The following LYPLAL1 variants were observed in gnomAD, a reference collection of about 807,000 sequenced individuals.
The protein encoded by LYPLAL1 is lysophospholipase like 1, also known as lysophospholipase-like protein 1.
A neutral mutation model predicts 19.7 loss-of-function variants in LYPLAL1; 23 were observed. The observed-to-expected ratio is 1.17, with a 90% CI of 0.84 to 1.65. The LOEUF (loss-of-function observed/expected upper bound fraction) is 1.65, where lower values mean the gene tolerates loss of function less well. LYPLAL1 is among the 40% of genes most tolerant of loss of function. The pLI is 0.00. For missense variants in LYPLAL1, 355 were observed against 279.4 expected (o/e 1.27, Z -1.93); for synonymous variants, 119 against 96.3 (o/e 1.24, Z -1.38).
rs572067465 is a variant in LYPLAL1 at position 219,212,003 on chromosome 1, A to G, written c.*275A>G. On this transcript the variant is annotated 3_prime_UTR_variant, in exon 5 of 5. Coordinates refer to ENST00000366928, the MANE Select transcript of LYPLAL1 (RefSeq NM_138794.5). The stretch of plus-strand genomic sequence containing the variant: ...TTTTTGAAATAAAGTATTCTAAACT[A>G]ATATAAATAAGGACAATGAAAAAAC... 2.1e-5 allele frequency: 5 copies of G among 233,730 alleles called. No individual in the cohort carries two copies. The highest frequency in any genetic ancestry group is 4.1e-5 in the Non-Finnish European group (5 of 121,318). The allele number at this position is 233,730 out of a possible 1,614,324, so 14.5% of individuals were successfully genotyped here.
the LYPLAL1 span, among the ~76,000 whole-genome samples, chr1:219,267,005 G>C: frequency 3.2e-4 from 48 of 152,190 alleles, no homozygotes; most frequent in Admixed American, 2.9e-3. Flanking sequence ...GTGAATTTAT[G>C]GATGAATTAC....
At chr1:219,366,483 T>C in the LYPLAL1 span, among the ~76,000 whole-genome samples, 2 of 152,224 alleles carry the variant, frequency 1.3e-5, no homozygotes, top group African/African-American at 2.4e-5. Context: ...GTGTGACTTA[T>C]TACTATAGAA....
chr1:219,425,867 G>GA, the LYPLAL1 span, among the ~76,000 whole-genome samples: 10 of 151,296 alleles, frequency 6.6e-5, no homozygotes, highest in East Asian at 1.9e-4. Context: ...CCTACAAAGA[G>GA]AAAAAAAAAG....
intron 2 of LYPLAL1, among the ~76,000 whole-genome samples, chr1:219,190,180 T>C (rs1657039681): frequency 6.6e-6 from 1 of 151,572 alleles, no homozygotes; most frequent in African/African-American, 2.4e-5. Context: ...GCATGTATGA[T>C]ATAGAACGAG....
chr1:219,378,830 C>T, the LYPLAL1 span, among the ~76,000 whole-genome samples: 1 of 152,068 alleles, frequency 6.6e-6, no homozygotes, highest in Admixed American at 6.5e-5. Context: ...AGACAATAGA[C>T]AATATATTTT....
chr1:219,346,696 T>C, the LYPLAL1 span, among the ~76,000 whole-genome samples: 1 of 152,128 alleles, frequency 6.6e-6, no homozygotes, highest in African/African-American at 2.4e-5. Context: ...CAGAGCTTAA[T>C]GTGTATGTGA....
the LYPLAL1 span, among the ~76,000 whole-genome samples, chr1:219,428,410 C>T: frequency 6.6e-6 from 1 of 152,312 alleles, no homozygotes; most frequent in Non-Finnish European, 1.5e-5. Flanking sequence ...ACACTTATAA[C>T]AGTCTTTATT....
At chr1:219,253,697 T>G in the LYPLAL1 span, among the ~76,000 whole-genome samples, 79 of 152,220 alleles carry the variant, frequency 5.2e-4, no homozygotes, top group African/African-American at 1.9e-3. Context: ...TATGTCTAAT[T>G]ATGTGGTTCG....
chr1:219,252,384 T>A, the LYPLAL1 span, among the ~76,000 whole-genome samples: 2 of 152,112 alleles, frequency 1.3e-5, no homozygotes, highest in African/African-American at 2.4e-5. Flanking sequence ...GACTTCTGGC[T>A]TTTGCCCATT....
the LYPLAL1 span, among the ~76,000 whole-genome samples, chr1:219,439,996 C>T: frequency 0.087 from 4,055 of 46,624 alleles, 119 homozygotes; most frequent in African/African-American, 0.15. Flanking sequence ...TATATACACA[C>T]ATATATATAT....
At position 219,210,533 on chromosome 1, in the gene LYPLAL1, A is replaced by T. The variant is rs1410821776; in HGVS notation, c.363A>T (p.Gly121=). 1.3e-6 allele frequency: 2 copies of T among 1,575,342 alleles called. No homozygotes were observed. Among genetic ancestry groups the T allele is most frequent in the African/African-American group, 2.7e-5 (2 of 73,738 alleles). ...SGIKKNRILI[G]GFSMGGCMAI... ...TTTTAAGTATGTTTTTGTTTTTAGG[A>T]GGATTCTCTATGGGAGGATGCATGG... Residue 121 remains glycine (G), a splice_region_variant and synonymous_variant, in exon 4 of 5, where the codon GGA becomes GGT. Coordinates refer to ENST00000366928, the MANE Select transcript of LYPLAL1 (RefSeq NM_138794.5).
At chr1:219,342,644 T>A in the LYPLAL1 span, among the ~76,000 whole-genome samples, 1 of 152,154 alleles carries the variant, frequency 6.6e-6, no homozygotes, top group Non-Finnish European at 1.5e-5. Context: ...TTTTCTGAAT[T>A]GCTTTAAAAA....
chr1:219,316,892 G>A, the LYPLAL1 span, among the ~76,000 whole-genome samples: 25 of 152,242 alleles, frequency 1.6e-4, no homozygotes, highest in Non-Finnish European at 3.4e-4. Flanking sequence ...GGGCTGGGGG[G>A]AGGAGGAAAT....
chr1:219,302,385 AG>A, the LYPLAL1 span, among the ~76,000 whole-genome samples: 1 of 152,172 alleles, frequency 6.6e-6, no homozygotes, highest in African/African-American at 2.4e-5. Flanking sequence ...TCTAACAGTA[AG>A]TTAATTTCAG....
the LYPLAL1 span, among the ~76,000 whole-genome samples, chr1:219,373,890 A>AG: frequency 6.6e-6 from 1 of 151,060 alleles, no homozygotes; most frequent in South Asian, 2.1e-4. Flanking sequence ...AACAAAAAAA[A>AG]AAACACAAAA....
the LYPLAL1 span, among the ~76,000 whole-genome samples, chr1:219,226,591 G>GA: frequency 6.2e-3 from 877 of 142,468 alleles, 8 homozygotes; most frequent in Middle Eastern, 0.022. Context: ...ATAACACATA[G>GA]AAAAAAAAAA....
At chr1:219,235,433 A>T in the LYPLAL1 span, among the ~76,000 whole-genome samples, 4 of 152,296 alleles carry the variant, frequency 2.6e-5, no homozygotes, top group African/African-American at 9.6e-5. Context: ...TACAGGACAT[A>T]ATTTAATTAC....
At chr1:219,362,101 A>C in the LYPLAL1 span, among the ~76,000 whole-genome samples, 6 of 152,258 alleles carry the variant, frequency 3.9e-5, no homozygotes, top group South Asian at 4.1e-4. Flanking sequence ...GACTCCAAGA[A>C]CTTTTACTAA....
chr1:219,243,577 GA>G, the LYPLAL1 span, among the ~76,000 whole-genome samples: 1 of 152,034 alleles, frequency 6.6e-6, no homozygotes, highest in East Asian at 1.9e-4. Flanking sequence ...TAGAGTTTTG[GA>G]AAGGGAAAAG....
Sources: gnomAD v4.1 joint callset for allele counts (sites outside exome capture counted in the v4.1 genomes callset) on GRCh38, gnomAD v4.1.1 for gene constraint, MANE v1.5 for transcripts, NCBI Gene and HGNC (gene_info 2026-07-23, HGNC 2026-07-21) for gene names.